Variants in STARD13 observed in about 807,000 individuals in gnomAD.
The protein encoded by STARD13 is stAR-related lipid transfer protein 13.
STARD13 carries 62 observed loss-of-function variants against 106.4 expected under a neutral mutation model. That is an observed-to-expected ratio of 0.58 (90% CI 0.48 to 0.72). The LOEUF is 0.72. STARD13 is among the 30% of genes least tolerant of loss of function. STARD13 has a pLI of 0.00. For synonymous variants in STARD13, 565 were observed against 553.0 expected (o/e 1.02, Z -0.31); for missense variants, 1,387 against 1,424.0 (o/e 0.97, Z 0.42).
At chr13:33,253,793 C>G (rs186477363) in intron 1 of STARD13, among the ~76,000 whole-genome samples, 1 of 152,202 alleles carries the variant, frequency 6.6e-6, no homozygotes, top group East Asian at 1.9e-4. Flanking sequence ...ATTGAACTTT[C>G]AAAATAGTAC....
the STARD13 span, among the ~76,000 whole-genome samples, chr13:33,413,128 C>G: frequency 6.6e-6 from 1 of 152,062 alleles, no homozygotes. Flanking sequence ...GGTAAAATCT[C>G]CAAACACTTG....
intron 1 of STARD13, among the ~76,000 whole-genome samples, chr13:33,294,358 A>AT (rs1892409822): frequency 1.3e-5 from 2 of 152,104 alleles, no homozygotes; most frequent in African/African-American, 4.8e-5. Flanking sequence ...TCTAGCTTAT[A>AT]TTTTTTCCAA....
chr13:33,140,414 A>T (rs973062706), intron 4 of STARD13, among the ~76,000 whole-genome samples: 1 of 152,262 alleles, frequency 6.6e-6, no homozygotes, highest in South Asian at 2.1e-4. Context: ...AATAGTGTGT[A>T]TGCTTCTCAA....
the STARD13 span, among the ~76,000 whole-genome samples, chr13:33,423,692 C>T: frequency 6.6e-6 from 1 of 152,190 alleles, no homozygotes; most frequent in Non-Finnish European, 1.5e-5. Flanking sequence ...TTGGAACCAA[C>T]CCAAATGTTC....
chr13:33,669,696 C>A, the STARD13 span, among the ~76,000 whole-genome samples: 4 of 151,832 alleles, frequency 2.6e-5, no homozygotes, highest in Non-Finnish European at 5.9e-5. Context: ...CCACCGCACC[C>A]GGCTAACTTT....
the STARD13 span, among the ~76,000 whole-genome samples, chr13:33,649,847 C>T: frequency 6.6e-5 from 10 of 151,936 alleles, no homozygotes; most frequent in African/African-American, 2.4e-4. Flanking sequence ...CAGTTGGAAG[C>T]AATAAAAATA....
intron 1 of STARD13, among the ~76,000 whole-genome samples, chr13:33,318,807 C>T (rs934402525): frequency 1.3e-5 from 2 of 152,072 alleles, no homozygotes; most frequent in African/African-American, 4.8e-5. Context: ...TGAAAAGATG[C>T]TCAATATCAT....
the STARD13 span, among the ~76,000 whole-genome samples, chr13:33,605,238 C>CAAA: frequency 4.7e-5 from 4 of 84,794 alleles, no homozygotes; most frequent in Non-Finnish European, 7.7e-5. Flanking sequence ...GATCCTGTCT[C>CAAA]AAAAAAAAAA....
the STARD13 span, among the ~76,000 whole-genome samples, chr13:33,592,449 T>C: frequency 6.6e-6 from 1 of 151,972 alleles, no homozygotes; most frequent in Admixed American, 6.6e-5. Context: ...GCTTAGGAGG[T>C]CAGCAATGGG....
At chr13:33,306,479 T>C (rs1425334140) in intron 1 of STARD13, among the ~76,000 whole-genome samples, 2 of 151,914 alleles carry the variant, frequency 1.3e-5, no homozygotes, top group African/African-American at 4.8e-5. Flanking sequence ...TAACAAATGG[T>C]ATCTAATTAA....
chr13:33,241,610 GC>G (rs2138249790), intron 1 of STARD13, among the ~76,000 whole-genome samples: 1 of 136,886 alleles, frequency 7.3e-6, no homozygotes, highest in South Asian at 2.4e-4. Flanking sequence ...GGACCATACT[GC>G]CGCCATCTCA....
the STARD13 span, among the ~76,000 whole-genome samples, chr13:33,465,204 T>C: frequency 1.0e-4 from 7 of 67,962 alleles, no homozygotes; most frequent in Admixed American, 4.8e-4. Context: ...TCTTCTTCTT[T>C]TTTTTTTTTT....
chr13:33,127,169 A>G (rs576270680), intron 6 of STARD13, among the ~76,000 whole-genome samples: 3 of 152,208 alleles, frequency 2.0e-5, no homozygotes, highest in Non-Finnish European at 4.4e-5. Context: ...CTGGAAACCA[A>G]CTGAGAACTA....
chr13:33,374,531 A>C, the STARD13 span, among the ~76,000 whole-genome samples: 1 of 152,218 alleles, frequency 6.6e-6, no homozygotes, highest in Non-Finnish European at 1.5e-5. Context: ...TAGTACTAGA[A>C]TATCTGTAAT....
At chr13:33,215,991 C>T (rs532766849) in intron 1 of STARD13, among the ~76,000 whole-genome samples, 46 of 152,192 alleles carry the variant, frequency 3.0e-4, no homozygotes, top group African/African-American at 1.1e-3. Flanking sequence ...TCAGGGAATG[C>T]AAATCTTAAA....
At chr13:33,323,848 T>C (rs771229291) in intron 1 of STARD13, among the ~76,000 whole-genome samples, 1 of 152,192 alleles carries the variant, frequency 6.6e-6, no homozygotes, top group Non-Finnish European at 1.5e-5. Flanking sequence ...TCTGGTGTTA[T>C]TCCCTTTTGG....
At chr13:33,540,979 G>A in the STARD13 span, among the ~76,000 whole-genome samples, 3 of 152,192 alleles carry the variant, frequency 2.0e-5, no homozygotes, top group African/African-American at 7.2e-5. Context: ...TTTTGCCAGG[G>A]AAGTGCTAAA....
intron 1 of STARD13, among the ~76,000 whole-genome samples, chr13:33,339,020 C>T (rs368484596): frequency 1.4e-4 from 21 of 152,100 alleles, no homozygotes; most frequent in African/African-American, 4.8e-4. Flanking sequence ...CTCCTCTATT[C>T]CCTACTTATA....
intron 7 of STARD13, among the ~76,000 whole-genome samples, chr13:33,125,780 C>T (rs547544745): frequency 4.6e-5 from 7 of 152,284 alleles, no homozygotes; most frequent in Admixed American, 3.9e-4. Flanking sequence ...AAATGCAGTA[C>T]AGTACATAGC....
Sources: allele counts gnomAD v4.1 joint callset (sites outside exome capture counted in the v4.1 genomes callset), GRCh38; gene constraint gnomAD v4.1.1; transcripts MANE v1.5; gene names NCBI Gene and HGNC (gene_info 2026-07-23, HGNC 2026-07-21).